GPR107: variants seen among roughly 807,000 people sequenced by gnomAD.
The protein encoded by GPR107 is protein GPR107.
In GPR107, 31 loss-of-function variants were observed where a neutral mutation model predicts 75.5. The observed-to-expected ratio is 0.41, with a 90% CI of 0.31 to 0.55. GPR107 has a LOEUF of 0.55. Ranked by LOEUF, GPR107 falls within the 20% of genes least tolerant of loss-of-function variation. The pLI is 0.26. For missense variants in GPR107, 572 were observed against 665.7 expected (o/e 0.86, Z 1.55); for synonymous variants, 267 against 251.3 (o/e 1.06, Z -0.59).
At chr9:130,078,893 G>A (rs1272730391) in intron 4 of GPR107, among the ~76,000 whole-genome samples, 3 of 152,190 alleles carry the variant, frequency 2.0e-5, no homozygotes. Flanking sequence ...AAGGGGGAAG[G>A]GTGGAAATGG....
At chr9:130,064,185 C>CTTTTTTTTTTTTT (rs1045833413) in intron 1 of GPR107, among the ~76,000 whole-genome samples, 2 of 82,590 alleles carry the variant, frequency 2.4e-5, no homozygotes, top group African/African-American at 9.6e-5. Context: ...AATAGCTTTT[C>CTTTTTTTTTTTTT]TTTTTTTTTT....
chr9:130,099,867 A>C (rs1050566060), intron 10 of GPR107, among the ~76,000 whole-genome samples: 1 of 84,824 alleles, frequency 1.2e-5, no homozygotes, highest in Non-Finnish European at 2.3e-5. Context: ...TGTTTCCACG[A>C]CTTTTTTTTT....
intron 6 of GPR107, among the ~76,000 whole-genome samples, chr9:130,084,047 C>CATACATATATAT (rs1554892942): frequency 7.6e-6 from 1 of 130,908 alleles, no homozygotes; most frequent in Non-Finnish European, 1.6e-5. Context: ...AGAGAGCTAA[C>CATACATATATAT]ATATATATAT....
chr9:130,100,774 C>A, intron 11 of GPR107, 72 bp downstream of exon 11: 4 of 1,125,670 alleles, frequency 3.6e-6, no homozygotes, highest in Non-Finnish European at 5.4e-6. Context: ...CAACAACCTG[C>A]CCCAAGTTAA....
intron 1 of GPR107, among the ~76,000 whole-genome samples, chr9:130,061,127 CT>C (rs1354676282): frequency 2.0e-5 from 3 of 152,176 alleles, no homozygotes; most frequent in Non-Finnish European, 4.4e-5. Context: ...CTTCAGGTGT[CT>C]TTTATATACC....
intron 14 of GPR107, among the ~76,000 whole-genome samples, chr9:130,110,695 G>A (rs1831275475): frequency 6.6e-6 from 1 of 152,210 alleles, no homozygotes. Context: ...CTGCAGAGAG[G>A]TCTCAGGAAT....
intron 13 of GPR107, among the ~76,000 whole-genome samples, chr9:130,105,429 G>C (rs1025702740): frequency 6.6e-5 from 10 of 151,714 alleles, no homozygotes; most frequent in Non-Finnish European, 1.2e-4. Context: ...AATTTTTTTT[G>C]TATTTTTAGT....
chr9:130,083,389 C>A, intron 5 of GPR107, 176 bp from the exon 6 acceptor site: 1 of 396,768 alleles, frequency 2.5e-6, no homozygotes, highest in Non-Finnish European at 4.5e-6. Flanking sequence ...TAATTTGCTG[C>A]TTCGACAGTA....
intron 12 of GPR107, 65 bp from the exon 13 acceptor site, chr9:130,104,355 G>GTACATCAA (rs1831109244): frequency 6.7e-7 from 1 of 1,502,082 alleles, no homozygotes; most frequent in East Asian, 2.3e-5. Flanking sequence ...ACCCCACATT[G>GTACATCAA]GGGCTGCTAG....
At chr9:130,060,824 C>A (rs1829911982) in intron 1 of GPR107, among the ~76,000 whole-genome samples, 1 of 152,102 alleles carries the variant, frequency 6.6e-6, no homozygotes, top group Admixed American at 6.6e-5. Flanking sequence ...CTTAGCAAGG[C>A]ATGTAGTTTA....
rs1273305501 is a variant in GPR107 at position 130,132,470 on chromosome 9, A to G, written c.1563-2555A>G. Among the ~76,000 whole-genome samples the G allele has an allele frequency of 2.0e-5, 3 of 152,316 alleles. No individual in the cohort carries two copies. The East Asian group carries it at 5.8e-4, about 29-fold the overall frequency. On this transcript the variant is annotated intron_variant, in intron 17 of 17. Coordinates refer to ENST00000347136, the MANE Select transcript of GPR107 (RefSeq NM_020960.5). ...TTCTCTCCCTGCCACTCTCCTTCCC[A>G]GACTGGCTGGATGTATTAAAATATA... is the stretch of plus-strand genomic sequence containing the variant.
intron 14 of GPR107, among the ~76,000 whole-genome samples, chr9:130,117,198 C>T (rs558427048): frequency 2.0e-5 from 3 of 152,298 alleles, no homozygotes; most frequent in African/African-American, 7.2e-5. Context: ...CGGCGCTCCT[C>T]AGCCACCCAT....
At chr9:130,054,477 A>G (rs1174709823) in intron 1 of GPR107, among the ~76,000 whole-genome samples, 1 of 151,948 alleles carries the variant, frequency 6.6e-6, no homozygotes, top group East Asian at 1.9e-4. Flanking sequence ...CTTGTACTGT[A>G]CCGGCGGTTT....
intron 1 of GPR107, among the ~76,000 whole-genome samples, chr9:130,068,960 A>C (rs925133662): frequency 6.6e-6 from 1 of 152,018 alleles, no homozygotes; most frequent in African/African-American, 2.4e-5. Flanking sequence ...GGCTGGTCTC[A>C]AACTCCTCAG....
chr9:130,117,675 A>G (rs1410450702), intron 14 of GPR107, among the ~76,000 whole-genome samples: 3 of 152,190 alleles, frequency 2.0e-5, no homozygotes, highest in Non-Finnish European at 4.4e-5. Context: ...CAGGCTGTCC[A>G]TCGTCTTTAT....
chr9:130,069,584 T>C (rs1429555630), intron 1 of GPR107, among the ~76,000 whole-genome samples: 1 of 152,218 alleles, frequency 6.6e-6, no homozygotes, highest in Non-Finnish European at 1.5e-5. Flanking sequence ...GTCACTTCCA[T>C]ACATATCTTA....
At chr9:130,063,929 C>G (rs1324602149) in intron 1 of GPR107, among the ~76,000 whole-genome samples, 1 of 151,646 alleles carries the variant, frequency 6.6e-6, no homozygotes, top group Admixed American at 6.6e-5. Context: ...CTCAGCCTCC[C>G]AAGTAGCTGG....
Position 130,124,904 on chromosome 9 carries a change from C to T in GPR107, c.1307-11C>T. On this transcript the variant is annotated splice_polypyrimidine_tract_variant and intron_variant, in intron 14 of 17. Transcript: ENST00000347136. ...TAACGAGCTCTTCATTTTGTTCTTTCTTCTCTCTAGCTGCTATTAACTTAG... is the reference window on the plus strand; with the variant it reads ...TAACGAGCTCTTCATTTTGTTCTTTTTTCTCTCTAGCTGCTATTAACTTAG... 3 of 1,534,834 alleles carry T rather than the reference C, an allele frequency of 2.0e-6. No individual in the cohort carries two copies. Among genetic ancestry groups the T allele is most frequent in the Non-Finnish European group, 2.7e-6 (3 of 1,123,762 alleles).
rs1248952323 is a variant in GPR107, at chr9:130,064,204, TTTTTG to T, written c.141+10132_141+10136del. ...GCTTTTCTTTTTTTTTTTTTTTTTT[TTTTTG>T]AGACGGAGTCTCGCTCTGTCGCCCA... On this transcript the variant is annotated intron_variant, in intron 1 of 17. Coordinates refer to ENST00000347136, the MANE Select transcript of GPR107 (RefSeq NM_020960.5). 8.1e-3 allele frequency among the ~76,000 whole-genome samples: 692 copies of T among 85,680 alleles called. 7 individuals are homozygous for T. Among genetic ancestry groups the T allele is most frequent in the Non-Finnish European group, 0.012 (522 of 41,962 alleles). The allele number at this position is 85,680 out of a possible 152,430, so 56.2% of individuals were successfully genotyped here. A position where few individuals can be genotyped will look rare whatever the true frequency, so the allele number is the denominator to read the frequency against.
Sources: gnomAD v4.1 joint callset for allele counts (sites outside exome capture counted in the v4.1 genomes callset) on GRCh38, gnomAD v4.1.1 for gene constraint, MANE v1.5 for transcripts, NCBI Gene and HGNC (gene_info 2026-07-23, HGNC 2026-07-21) for gene names.